Variants in PPARGC1A observed in about 807,000 individuals in gnomAD.
The protein encoded by PPARGC1A is peroxisome proliferator-activated receptor gamma coactivator 1-alpha.
Under a neutral mutation model 88.7 loss-of-function variants are expected in PPARGC1A, and 25 were observed. That is an observed-to-expected ratio of 0.28 (90% CI 0.21 to 0.39). The LOEUF is 0.39. Among genes scored for constraint, PPARGC1A ranks in the 10% least tolerant of loss-of-function variants. PPARGC1A has a pLI of 1.00. For missense variants in PPARGC1A, 880 were observed against 968.7 expected, an observed-to-expected ratio of 0.91 and a Z score of 1.22; for synonymous variants, 363 against 355.6, an observed-to-expected ratio of 1.02 and a Z score of -0.24.
At chr4:24,324,728 G>A in the PPARGC1A span, among the ~76,000 whole-genome samples, 6 of 152,066 alleles carry the variant, frequency 3.9e-5, no homozygotes, top group East Asian at 1.9e-4. Flanking sequence ...GGTTCCTGAC[G>A]TCCAGGCATT....
At chr4:24,249,850 T>C in the PPARGC1A span, among the ~76,000 whole-genome samples, 1 of 152,172 alleles carries the variant, frequency 6.6e-6, no homozygotes, top group South Asian at 2.1e-4. Flanking sequence ...AAGATTCAAA[T>C]AGTACAAAAG....
chr4:24,302,906 T>C, the PPARGC1A span, among the ~76,000 whole-genome samples: 4,132 of 152,284 alleles, frequency 0.027, 193 homozygotes, highest in African/African-American at 0.094. Context: ...TTAATGAACA[T>C]TCTTTCCCAT....
the PPARGC1A span, among the ~76,000 whole-genome samples, chr4:24,090,030 G>A: frequency 1.3e-5 from 2 of 152,088 alleles, no homozygotes; most frequent in Non-Finnish European, 2.9e-5. Flanking sequence ...ATAAACATTT[G>A]GACTTCATGT....
At chr4:23,965,023 A>G in the PPARGC1A span, among the ~76,000 whole-genome samples, 2 of 152,156 alleles carry the variant, frequency 1.3e-5, no homozygotes, top group Non-Finnish European at 2.9e-5. Flanking sequence ...ATAAAGGCTC[A>G]CTTCATTAGC....
At chr4:24,117,676 A>T in the PPARGC1A span, among the ~76,000 whole-genome samples, 2 of 151,846 alleles carry the variant, frequency 1.3e-5, no homozygotes, top group Non-Finnish European at 2.9e-5. Context: ...TTCCATTAAT[A>T]TCTGCCGCTT....
intron 1 of PPARGC1A, chr4:23,888,811 C>A (rs760034063): frequency 1.7e-4 from 66 of 389,880 alleles, no homozygotes; most frequent in Admixed American, 6.4e-4. Flanking sequence ...AATCAAATCA[C>A]GTGTGGGCTT....
the PPARGC1A span, among the ~76,000 whole-genome samples, chr4:24,297,958 C>T: frequency 1.3e-5 from 2 of 152,036 alleles, no homozygotes; most frequent in African/African-American, 2.4e-5. Context: ...CATGTGGTAG[C>T]CAAAGAAAAT....
the PPARGC1A span, among the ~76,000 whole-genome samples, chr4:24,325,034 A>G: frequency 6.6e-6 from 1 of 152,058 alleles, no homozygotes. Flanking sequence ...CTGCCCAGCA[A>G]TTTACTCTTA....
the PPARGC1A span, among the ~76,000 whole-genome samples, chr4:24,137,878 C>T: frequency 6.6e-6 from 1 of 152,198 alleles, no homozygotes; most frequent in Non-Finnish European, 1.5e-5. Flanking sequence ...CCGTTTCCCC[C>T]CTCAAACACA....
chr4:24,154,793 C>T, the PPARGC1A span, among the ~76,000 whole-genome samples: 4,209 of 152,182 alleles, frequency 0.028, 105 homozygotes, highest in Non-Finnish European at 0.045. Flanking sequence ...CAAAGCGAGA[C>T]GCAGATGTAA....
At chr4:24,051,862 C>A in the PPARGC1A span, among the ~76,000 whole-genome samples, 3 of 151,428 alleles carry the variant, frequency 2.0e-5, no homozygotes, top group South Asian at 2.1e-4. Context: ...AGAATAGGCA[C>A]CGAGGCATTG....
the PPARGC1A span, among the ~76,000 whole-genome samples, chr4:24,138,830 C>T: frequency 5.3e-5 from 8 of 152,252 alleles, no homozygotes; most frequent in African/African-American, 1.7e-4. Context: ...CATATGAATA[C>T]ATTTCACCCT....
the PPARGC1A span, among the ~76,000 whole-genome samples, chr4:24,470,285 C>CAG: frequency 2.2e-4 from 28 of 127,800 alleles, no homozygotes; most frequent in African/African-American, 7.6e-4. This position sits in a 1 kb window ranked among gnomAD's most constrained non-coding sequence, Gnocchi z 5.8. Flanking sequence ...CAGACACACA[C>CAG]ACACACACAC....
the PPARGC1A span, among the ~76,000 whole-genome samples, chr4:23,973,722 G>C: frequency 6.6e-6 from 1 of 152,010 alleles, no homozygotes; most frequent in Non-Finnish European, 1.5e-5. Context: ...TTTTTAAAGT[G>C]TTCCTAATTG....
chr4:24,249,648 T>C, the PPARGC1A span, among the ~76,000 whole-genome samples: 7 of 152,260 alleles, frequency 4.6e-5, no homozygotes, highest in African/African-American at 9.6e-5. Context: ...AGGTTAACAG[T>C]GGGAGGAGAA....
At chr4:24,236,458 T>C in the PPARGC1A span, among the ~76,000 whole-genome samples, 1 of 152,202 alleles carries the variant, frequency 6.6e-6, no homozygotes, top group Non-Finnish European at 1.5e-5. Flanking sequence ...TGTGCGAGGC[T>C]CTGTGAGGCA....
chr4:24,118,767 G>A, the PPARGC1A span, among the ~76,000 whole-genome samples: 1 of 151,962 alleles, frequency 6.6e-6, no homozygotes, highest in Non-Finnish European at 1.5e-5. Context: ...TATACACATG[G>A]GATATTTAAA....
the PPARGC1A span, among the ~76,000 whole-genome samples, chr4:24,429,115 C>T: frequency 1.3e-5 from 2 of 152,046 alleles, no homozygotes; most frequent in African/African-American, 2.4e-5. Context: ...AGGCACTGGG[C>T]GAGGTAGTAA....
the PPARGC1A span, among the ~76,000 whole-genome samples, chr4:24,075,180 T>G: frequency 6.6e-6 from 1 of 152,222 alleles, no homozygotes; most frequent in Non-Finnish European, 1.5e-5. Flanking sequence ...GTTTAAAATA[T>G]TCTGTATCAC....
Sources: gnomAD v4.1 joint callset for allele counts (sites outside exome capture counted in the v4.1 genomes callset) on GRCh38, gnomAD v4.1.1 for gene constraint, Gnocchi (gnomAD v3.1) non-coding constraint, MANE v1.5 for transcripts, NCBI Gene and HGNC (gene_info 2026-07-23, HGNC 2026-07-21) for gene names.